Variants in NEK11 observed in about 807,000 individuals in gnomAD.
NEK11 encodes the protein serine/threonine-protein kinase Nek11.
In NEK11, 72 loss-of-function variants were observed where a neutral mutation model predicts 80.7. That is an observed-to-expected ratio of 0.89 (90% CI 0.74 to 1.08). The LOEUF (loss-of-function observed/expected upper bound fraction) is 1.08, where lower values mean the gene tolerates loss of function less well. Among genes scored for constraint, NEK11 ranks in the 50% least tolerant of loss-of-function variants. The probability of loss-of-function intolerance (pLI) is 0.00; values close to 1 mark genes in which losing one functional copy is unlikely to be tolerated. For missense variants in NEK11, 764 were observed against 763.6 expected, an observed-to-expected ratio of 1.00 and a Z score of -0.01; for synonymous variants, 251 against 260.7, an observed-to-expected ratio of 0.96 and a Z score of 0.36.
chr3:131,350,175 C>T lies in NEK11; in HGVS notation c.*399C>T, dbSNP rs1197724645. On this transcript the variant is annotated 3_prime_UTR_variant, in exon 18 of 18. Coordinates refer to ENST00000383366, the MANE Select transcript of NEK11 (RefSeq NM_024800.5). ...TAGGGTCTCATGGACTGTAGGCAGC[C>T]TGCCAGTGAAGGTCACTGGACTCTA... 1 of 177,388 alleles carries T rather than the reference C, an allele frequency of 5.6e-6. No homozygotes were observed. Among genetic ancestry groups the T allele is most frequent in the Non-Finnish European group, 1.2e-5 (1 of 83,146 alleles). The allele number at this position is 177,388 out of a possible 1,614,324, so 11.0% of individuals were successfully genotyped here. A position where few individuals can be genotyped will look rare whatever the true frequency, so the allele number is the denominator to read the frequency against.
chr3:131,310,562 CTTT>C (rs982372718), intron 17 of NEK11, among the ~76,000 whole-genome samples: 9 of 117,456 alleles, frequency 7.7e-5, no homozygotes, highest in South Asian at 2.4e-4. Flanking sequence ...AATTTTTCTT[CTTT>C]GTTTCTTACT....
At chr3:131,247,314 T>G (rs886373719) in intron 16 of NEK11, among the ~76,000 whole-genome samples, 4 of 152,164 alleles carry the variant, frequency 2.6e-5, no homozygotes, top group African/African-American at 9.6e-5. Context: ...GAGATGAGGA[T>G]CCAGTTTCAT....
chr3:131,223,395 C>T (rs977665010), intron 14 of NEK11, among the ~76,000 whole-genome samples: 4 of 152,156 alleles, frequency 2.6e-5, no homozygotes. Context: ...CCACTTCTTT[C>T]CTTCTTCCCC....
chr3:131,128,926 A>G (rs866780804), intron 5 of NEK11, among the ~76,000 whole-genome samples: 1 of 151,842 alleles, frequency 6.6e-6, no homozygotes, highest in East Asian at 1.9e-4. Flanking sequence ...ACATCTTTTC[A>G]GGTTTATTTG....
chr3:131,042,582 C>A (rs1377852545), intron 3 of NEK11, among the ~76,000 whole-genome samples: 1 of 152,194 alleles, frequency 6.6e-6, no homozygotes, highest in Non-Finnish European at 1.5e-5. Context: ...TCTGGCAGGG[C>A]ATCTCTGAAA....
At chr3:131,246,431 T>G (rs575160194) in intron 16 of NEK11, among the ~76,000 whole-genome samples, 1 of 152,316 alleles carries the variant, frequency 6.6e-6, no homozygotes, top group South Asian at 2.1e-4. Context: ...ATGCCATTAT[T>G]TCATTCCTTT....
At chr3:131,071,620 A>T (rs1212709783) in intron 3 of NEK11, among the ~76,000 whole-genome samples, 1 of 152,002 alleles carries the variant, frequency 6.6e-6, no homozygotes, top group Non-Finnish European at 1.5e-5. Context: ...TTTTATATAA[A>T]ATAATTTTGA....
rs138866003 is a variant in NEK11, at chr3:131,246,668, A to G, written c.1621+3172A>G. 2.4e-3 allele frequency among the ~76,000 whole-genome samples: 367 copies of G among 152,246 alleles called. 2 individuals carry two copies. Among genetic ancestry groups the G allele is most frequent in the African/African-American group, 8.4e-3 (348 of 41,578 alleles). On this transcript the variant is annotated intron_variant, in intron 16 of 17. Transcript: ENST00000383366. Reference sequence around the variant, plus strand: ...TGGCTCAAATGGAAGATCTACTTTTAGTCCTTTAAATAATTTTCATACTGT... The same window carrying G: ...TGGCTCAAATGGAAGATCTACTTTTGGTCCTTTAAATAATTTTCATACTGT...
chr3:131,120,308 C>G (rs987440985), intron 5 of NEK11, among the ~76,000 whole-genome samples: 9 of 152,242 alleles, frequency 5.9e-5, no homozygotes, highest in African/African-American at 2.2e-4. Flanking sequence ...ATATTGGCCC[C>G]CACTCTCTTC....
chr3:131,117,142 G>T (rs9863769), intron 5 of NEK11, among the ~76,000 whole-genome samples: 138,415 of 152,228 alleles, frequency 0.91, 63,448 homozygotes, highest in Non-Finnish European at 0.95. Context: ...CCATCTTGAA[G>T]AAATTTAATA....
At chr3:131,041,151 T>G (rs2066415501) in intron 3 of NEK11, among the ~76,000 whole-genome samples, 1 of 152,366 alleles carries the variant, frequency 6.6e-6, no homozygotes, top group East Asian at 1.9e-4. Context: ...GCTTTTAATT[T>G]ATATTGCTAT....
At position 131,046,636 on chromosome 3, in the gene NEK11, G is replaced by A. The variant is rs139207325; in HGVS notation, c.170+16758G>A. On this transcript the variant is annotated intron_variant, in intron 3 of 17. Coordinates refer to ENST00000383366, the MANE Select transcript of NEK11 (RefSeq NM_024800.5). ...TAGGGTACATGTGCACAACGTGCAGGTTTGTTACATAAGTATACATTTGCC... is the reference window on the plus strand; with the variant it reads ...TAGGGTACATGTGCACAACGTGCAGATTTGTTACATAAGTATACATTTGCC... 4.9e-3 allele frequency among the ~76,000 whole-genome samples: 737 copies of A among 151,620 alleles called. 10 individuals carry two copies. The highest frequency in any genetic ancestry group is 0.017 in the African/African-American group (692 of 41,266).
chr3:131,222,728 G>GCAGCAT (rs2095063686), intron 14 of NEK11, among the ~76,000 whole-genome samples: 1 of 152,212 alleles, frequency 6.6e-6, no homozygotes, highest in African/African-American at 2.4e-5. Context: ...CTCCAAACCA[G>GCAGCAT]CAGCATCAGC....
At chr3:131,330,100 C>T (rs567711756) in intron 17 of NEK11, 1 of 152,162 alleles carries the variant, frequency 6.6e-6, no homozygotes, top group Admixed American at 6.5e-5. Flanking sequence ...ATCCTAGTTA[C>T]ATTTTAAAAA....
chr3:131,104,054 G>A (rs11714346), intron 4 of NEK11, among the ~76,000 whole-genome samples: 70,816 of 152,092 alleles, frequency 0.47, 17,902 homozygotes, highest in Middle Eastern at 0.67. Flanking sequence ...CCAAGCTTGG[G>A]AGTAGGTGGG....
At chr3:131,084,649 A>G (rs533714396) in intron 4 of NEK11, among the ~76,000 whole-genome samples, 1 of 152,316 alleles carries the variant, frequency 6.6e-6, no homozygotes, top group South Asian at 2.1e-4. Flanking sequence ...TGATAGGGAA[A>G]AAGGCAGGAA....
intron 17 of NEK11, among the ~76,000 whole-genome samples, chr3:131,335,453 T>C (rs1401128901): frequency 3.3e-5 from 5 of 152,194 alleles, no homozygotes; most frequent in Admixed American, 6.5e-5. Context: ...AATTAGGTAT[T>C]GATGGGACAT....
intron 14 of NEK11, among the ~76,000 whole-genome samples, chr3:131,217,682 C>T (rs781657184): frequency 2.0e-5 from 3 of 152,108 alleles, no homozygotes; most frequent in Non-Finnish European, 4.4e-5. Context: ...TCTTTCCCTC[C>T]ACCTTTCTGG....
At chr3:131,181,396 A>G (rs1008240686) in intron 14 of NEK11, among the ~76,000 whole-genome samples, 1 of 152,228 alleles carries the variant, frequency 6.6e-6, no homozygotes, top group Non-Finnish European at 1.5e-5. Context: ...CCTGCCAACA[A>G]GTGTATCTTA....
Sources: allele counts gnomAD v4.1 joint callset (sites outside exome capture counted in the v4.1 genomes callset), GRCh38; gene constraint gnomAD v4.1.1; transcripts MANE v1.5; gene names NCBI Gene and HGNC (gene_info 2026-07-23, HGNC 2026-07-21).